Variants in TTLL11 observed in about 807,000 individuals in gnomAD.
The protein encoded by TTLL11 is tubulin polyglutamylase TTLL11.
Under a neutral mutation model 51.7 loss-of-function variants are expected in TTLL11, and 42 were observed. That is an observed-to-expected ratio of 0.81 (90% CI 0.64 to 1.05). TTLL11 has a LOEUF of 1.05. Ranked by LOEUF, TTLL11 falls within the 50% of genes least tolerant of loss-of-function variation. The pLI is 0.00. For synonymous variants in TTLL11, 381 were observed against 383.5 expected, an observed-to-expected ratio of 0.99 and a Z score of 0.08; for missense variants, 799 against 940.4, an observed-to-expected ratio of 0.85 and a Z score of 1.97.
At position 121,876,879 on chromosome 9, in the gene TTLL11, C is replaced by A. The variant is rs141306980; in HGVS notation, c.1482-6131G>T. ...GGCTGGGCAGTCTGTTGTAGCAAAC[C>A]CTGCGGGTGATTCTGATACGGGCTA... On this transcript the variant is annotated intron_variant, in intron 6 of 8. Coordinates refer to ENST00000321582, the MANE Select transcript of TTLL11 (RefSeq NM_001139442.2). Among the ~76,000 whole-genome samples the A allele has an allele frequency of 3.2e-3, 488 of 152,276 alleles. 1 individual carries two copies. The highest frequency in any genetic ancestry group is 5.1e-3 in the Non-Finnish European group (347 of 68,016).
intron 6 of TTLL11, among the ~76,000 whole-genome samples, chr9:121,903,913 CT>C: frequency 6.6e-6 from 1 of 152,244 alleles, no homozygotes. Flanking sequence ...TGACATTTAT[CT>C]TGTTATTTTA....
intron 1 of TTLL11, among the ~76,000 whole-genome samples, chr9:122,069,853 G>A (rs1845683815): frequency 6.6e-6 from 1 of 152,030 alleles, no homozygotes. Flanking sequence ...GGAGGCCAGA[G>A]GACAGAGAGA....
At position 122,026,452 on chromosome 9, in the gene TTLL11, A is replaced by G. The variant is rs571359228; in HGVS notation, c.693+5271T>C. ...GACTCCATTTCAAAAAAAAAAAAAA[A>G]AAGAAGGGAAGGACAGAAGGATTAC... On this transcript the variant is annotated intron_variant, in intron 3 of 8. Coordinates refer to ENST00000321582, the MANE Select transcript of TTLL11 (RefSeq NM_001139442.2). Among the ~76,000 whole-genome samples the G allele has an allele frequency of 2.9e-3, 441 of 152,024 alleles. 5 individuals are homozygous for G. Among genetic ancestry groups the G allele is most frequent in the African/African-American group, 0.01 (420 of 41,458 alleles).
intron 6 of TTLL11, among the ~76,000 whole-genome samples, chr9:121,879,304 C>T (rs1448602951): frequency 2.0e-5 from 3 of 152,182 alleles, no homozygotes; most frequent in Non-Finnish European, 4.4e-5. Context: ...ACTAGATTGA[C>T]TTTCCGCTCC....
chr9:121,911,380 G>C (rs1237856899), intron 6 of TTLL11, among the ~76,000 whole-genome samples: 1 of 152,096 alleles, frequency 6.6e-6, no homozygotes, highest in Admixed American at 6.6e-5. Context: ...CTGGGAAACA[G>C]AGTGAGACTC....
rs193111008 is a variant in TTLL11 at position 121,975,582 on chromosome 9, C to T, written c.1270-603G>A. Among the ~76,000 whole-genome samples the T allele has an allele frequency of 4.6e-3, 700 of 152,174 alleles. 6 individuals carry two copies. Among genetic ancestry groups the T allele is most frequent in the African/African-American group, 0.016 (678 of 41,494 alleles). ...CAAAAATTAGCTGGGTGTCGTGGCG[C>T]GAATCTGTAATCCCAGCTACATGGA... On this transcript the variant is annotated intron_variant, in intron 4 of 8. Coordinates refer to ENST00000321582, the MANE Select transcript of TTLL11 (RefSeq NM_001139442.2).
chr9:121,913,935 GC>G (rs1840231891), intron 6 of TTLL11, among the ~76,000 whole-genome samples: 1 of 152,188 alleles, frequency 6.6e-6, no homozygotes, highest in Non-Finnish European at 1.5e-5. Flanking sequence ...ACATCTACAG[GC>G]CAGGGTTCTG....
At chr9:121,871,635 G>A (rs1838361113) in intron 6 of TTLL11, among the ~76,000 whole-genome samples, 1 of 152,160 alleles carries the variant, frequency 6.6e-6, no homozygotes, top group Admixed American at 6.5e-5. Context: ...TTTTAGGCCA[G>A]CCTGGCTGAG....
At chr9:121,866,431 G>T (rs1241888130) in intron 7 of TTLL11, among the ~76,000 whole-genome samples, 1 of 151,990 alleles carries the variant, frequency 6.6e-6, no homozygotes, top group African/African-American at 2.4e-5. Flanking sequence ...AGGCTGAGGC[G>T]GGTGGATCAC....
chr9:121,893,949 T>C (rs1035810459), intron 6 of TTLL11, among the ~76,000 whole-genome samples: 1 of 152,188 alleles, frequency 6.6e-6, no homozygotes, highest in Non-Finnish European at 1.5e-5. Flanking sequence ...AGCTGCAGGA[T>C]GGCCTCCAAA....
intron 8 of TTLL11, among the ~76,000 whole-genome samples, chr9:121,842,205 T>C (rs1837374759): frequency 6.6e-6 from 1 of 151,922 alleles, no homozygotes. Context: ...CCCTCACATG[T>C]AAAACAAGGG....
chr9:122,076,681 C>G (rs1237443787), intron 1 of TTLL11, among the ~76,000 whole-genome samples: 3 of 148,450 alleles, frequency 2.0e-5, no homozygotes, highest in Non-Finnish European at 4.5e-5. Context: ...AAAGAATGAT[C>G]AGCAAGTAAA....
intron 6 of TTLL11, among the ~76,000 whole-genome samples, chr9:121,946,070 A>G (rs1841650429): frequency 2.0e-5 from 3 of 152,238 alleles, no homozygotes; most frequent in African/African-American, 2.4e-5. Context: ...TGTTTAAACC[A>G]TAAATCCAGC....
At chr9:121,996,941 C>T (rs1030086871) in intron 3 of TTLL11, among the ~76,000 whole-genome samples, 1 of 152,166 alleles carries the variant, frequency 6.6e-6, no homozygotes, top group Non-Finnish European at 1.5e-5. Context: ...GGAAGTAAAG[C>T]GTCAGTTCTG....
chr9:121,886,717 T>C (rs1238574998), intron 6 of TTLL11, among the ~76,000 whole-genome samples: 1 of 152,182 alleles, frequency 6.6e-6, no homozygotes, highest in Non-Finnish European at 1.5e-5. Context: ...CTAGGTACCC[T>C]TGGGGGTTAC....
At chr9:121,942,172 G>GTTA (rs1479623357) in intron 6 of TTLL11, among the ~76,000 whole-genome samples, 1 of 152,150 alleles carries the variant, frequency 6.6e-6, no homozygotes, top group African/African-American at 2.4e-5. Context: ...ACTCAGCCAT[G>GTTA]TTACCTTTGT....
chr9:121,883,165 T>G (rs1470469210), intron 6 of TTLL11, among the ~76,000 whole-genome samples: 1 of 152,166 alleles, frequency 6.6e-6, no homozygotes, highest in Non-Finnish European at 1.5e-5. Context: ...TAATAATTTA[T>G]GGTGATGAGA....
chr9:121,857,471 C>T (rs1837863420), intron 8 of TTLL11, among the ~76,000 whole-genome samples: 1 of 152,146 alleles, frequency 6.6e-6, no homozygotes, highest in Non-Finnish European at 1.5e-5. Context: ...CCTTAGGGTA[C>T]TCATCTGTAA....
At chr9:122,069,326 G>C (rs555846333) in intron 1 of TTLL11, among the ~76,000 whole-genome samples, 7 of 152,234 alleles carry the variant, frequency 4.6e-5, no homozygotes, top group Admixed American at 4.6e-4. Flanking sequence ...AAAGCAAAGC[G>C]TGCGTGGCCA....
Sources: gnomAD v4.1 joint callset for allele counts (sites outside exome capture counted in the v4.1 genomes callset) on GRCh38, gnomAD v4.1.1 for gene constraint, MANE v1.5 for transcripts, NCBI Gene and HGNC (gene_info 2026-07-23, HGNC 2026-07-21) for gene names.